TLR4: variants seen among roughly 807,000 people sequenced by gnomAD.
TLR4 encodes the protein toll like receptor 4, also known as toll-like receptor 4.
In TLR4, 17 loss-of-function variants were observed where a neutral mutation model predicts 27.4. That is an observed-to-expected ratio of 0.62 (90% CI 0.42 to 0.93). The LOEUF is 0.93. TLR4 is among the 40% of genes least tolerant of loss of function. The pLI, the probability that TLR4 is intolerant of heterozygous loss-of-function variation, is 0.00. For missense variants in TLR4, 926 were observed against 962.3 expected (o/e 0.96, Z 0.50); for synonymous variants, 363 against 365.7 (o/e 0.99, Z 0.08).
Position 117,712,926 on chromosome 9 carries a change from A to G in TLR4, c.798A>G (p.Glu266=). 2 of 1,614,128 alleles carry G rather than the reference A, an allele frequency of 1.2e-6. No individual in the cohort carries two copies. Among genetic ancestry groups the G allele is most frequent in the Non-Finnish European group, 1.7e-6 (2 of 1,179,990 alleles). ...HRLVLGEFRN[E]GNLEKFDKSA... ...TGGTTCTGGGAGAATTTAGAAATGA[A>G]GGAAACTTGGAAAAGTTTGACAAAT... Residue 266 remains glutamate, a synonymous_variant, in exon 3 of 3, where the codon GAA becomes GAG. Transcript: ENST00000355622.
intron 2 of TLR4, among the ~76,000 whole-genome samples, chr9:117,710,450 C>A (rs1829212997): frequency 6.7e-6 from 1 of 150,366 alleles, no homozygotes; most frequent in African/African-American, 2.4e-5. Context: ...ACCACCTCTC[C>A]CTTTTTTTTT....
chr9:117,708,836 TATTC>T, intron 2 of TLR4, 107 bp downstream of exon 2: 2 of 1,356,664 alleles, frequency 1.5e-6, no homozygotes, highest in Non-Finnish European at 2.1e-6. Context: ...TTCATTCACT[TATTC>T]ATTCATACAA....
chr9:117,714,716 A>C lies in TLR4; in HGVS notation c.*68A>C. ...GGGTCCAACACTTGTTCAGTTAATAAGTATTAAATGCTGCCACATGTCAGG... is the reference window on the plus strand; with the variant it reads ...GGGTCCAACACTTGTTCAGTTAATACGTATTAAATGCTGCCACATGTCAGG... On this transcript the variant is annotated 3_prime_UTR_variant, in exon 3 of 3. Transcript: ENST00000355622. The C allele has an allele frequency of 1.5e-6, 2 of 1,352,084 alleles. No homozygotes were observed. The highest frequency in any genetic ancestry group is 2.1e-6 in the Non-Finnish European group (2 of 952,662). 83.8% of individuals were successfully genotyped at this position (1,352,084 alleles called of 1,614,324 possible).
Position 117,720,279 on chromosome 9 carries a change from G to A in TLR4, c.*5631G>A, listed in dbSNP as rs974926992. 2 of 152,198 alleles carry A rather than the reference G, an allele frequency of 1.3e-5. No homozygotes were observed. The highest frequency in any genetic ancestry group is 2.9e-5 in the Non-Finnish European group (2 of 68,016). The allele number at this position is 152,198 out of a possible 1,614,324, so 9.4% of individuals were successfully genotyped here. A position where few individuals can be genotyped will look rare whatever the true frequency, so the allele number is the denominator to read the frequency against. ...ACATAATTGCTTGCTGTGATGTCCT[G>A]GGCTACTCTGCCAGGGGTGGTTAGT... is the stretch of plus-strand genomic sequence containing the variant. On this transcript the variant is annotated 3_prime_UTR_variant, in exon 3 of 3. Transcript: ENST00000355622.
At chr9:117,707,068 A>G (rs1170400718) in intron 1 of TLR4, among the ~76,000 whole-genome samples, 1 of 152,214 alleles carries the variant, frequency 6.6e-6, no homozygotes, top group Admixed American at 6.5e-5. Flanking sequence ...AACCCATCAA[A>G]CTTGCAATGG....
chr9:117,709,624 A>C (rs1047554933), intron 2 of TLR4, among the ~76,000 whole-genome samples: 6 of 152,222 alleles, frequency 3.9e-5, no homozygotes, highest in African/African-American at 1.4e-4. Context: ...TGTTCTCTGC[A>C]ATGGTTTGTA....
At chr9:117,709,900 C>G (rs1202826862) in intron 2 of TLR4, among the ~76,000 whole-genome samples, 1 of 152,010 alleles carries the variant, frequency 6.6e-6, no homozygotes, top group African/African-American at 2.4e-5. Context: ...TAACCTTAGG[C>G]ATATTACTTC....
chr9:117,713,806 A>G lies in TLR4; in HGVS notation c.1678A>G (p.Lys560Glu). ...CAGTCTCAATCACATAATGACTTCCAAAAAACAGGAACTACAGCATTTTCC... is the reference window on the plus strand; with the variant it reads ...CAGTCTCAATCACATAATGACTTCCGAAAAACAGGAACTACAGCATTTTCC... ...DYSLNHIMTS[K>E]KQELQHFPSS... is the part of the protein sequence containing the mutation. The change falls in exon 3 of 3, where the codon AAA becomes GAA. Residue 560 changes from lysine (K) to glutamate (E), a missense_variant. Coordinates refer to ENST00000355622, the MANE Select transcript of TLR4 (RefSeq NM_138554.5). The G allele has an allele frequency of 1.9e-6, 3 of 1,613,946 alleles. No homozygotes were observed. Among genetic ancestry groups the G allele is most frequent in the Non-Finnish European group, 2.5e-6 (3 of 1,179,990 alleles).
In TLR4 at chr9:117,712,856, T is replaced by C. The variant is rs1428873837; in HGVS notation, c.728T>C (p.Met243Thr). 2 of 1,614,042 alleles carry C rather than the reference T, an allele frequency of 1.2e-6. No homozygotes were observed. The highest frequency in any genetic ancestry group is 2.2e-5 in the South Asian group (2 of 91,084). The change falls in exon 3 of 3, where the codon ATG (methionine) becomes ACG (threonine). Residue 243 changes from methionine to threonine, a missense_variant. Physicochemically the swap from Met to Thr is moderately conservative, Grantham distance 81. Coordinates refer to ENST00000355622, the MANE Select transcript of TLR4 (RefSeq NM_138554.5). ...LRNNFDSLNVMKTCIQGLAGL... is the reference protein window; with the variant it reads ...LRNNFDSLNVTKTCIQGLAGL... Reference sequence around the variant, plus strand: ...AATAATTTTGATAGTTTAAATGTAATGAAAACTTGTATTCAAGGTCTGGCT... The same window carrying C: ...AATAATTTTGATAGTTTAAATGTAACGAAAACTTGTATTCAAGGTCTGGCT...
rs534801083 is a variant in TLR4, at chr9:117,717,466, A to G, written c.*2818A>G. On this transcript the variant is annotated 3_prime_UTR_variant, in exon 3 of 3. Coordinates refer to ENST00000355622, the MANE Select transcript of TLR4 (RefSeq NM_138554.5). ...TTGTAATAAAAGTTATGTGAATGTGATCTCTTTCTTTCTCTCTCTCAAAAT... is the reference window on the plus strand; with the variant it reads ...TTGTAATAAAAGTTATGTGAATGTGGTCTCTTTCTTTCTCTCTCTCAAAAT... 2.0e-5 allele frequency: 3 copies of G among 151,950 alleles called. No homozygotes were observed. Among genetic ancestry groups the G allele is most frequent in the Non-Finnish European group, 2.9e-5 (2 of 67,888 alleles). 9.4% of individuals were successfully genotyped at this position (151,950 alleles called of 1,614,324 possible).
chr9:117,704,619 T>C, intron 1 of TLR4, 54 bp downstream of exon 1: 1 of 1,455,606 alleles, frequency 6.9e-7, no homozygotes. Context: ...GCCCAGAACT[T>C]CTCACTGTGT....
In TLR4 at chr9:117,717,474, C is replaced by G. The variant is rs1465856230; in HGVS notation, c.*2826C>G. Reference sequence around the variant, plus strand: ...AAAGTTATGTGAATGTGATCTCTTTCTTTCTCTCTCTCAAAATATCTTACT... The same window carrying G: ...AAAGTTATGTGAATGTGATCTCTTTGTTTCTCTCTCTCAAAATATCTTACT... On this transcript the variant is annotated 3_prime_UTR_variant, in exon 3 of 3. Transcript: ENST00000355622. The G allele has an allele frequency of 6.6e-6, 1 of 151,432 alleles. No individual in the cohort carries two copies. Among genetic ancestry groups the G allele is most frequent in the African/African-American group, 2.4e-5 (1 of 41,300 alleles). The allele number at this position is 151,432 out of a possible 1,614,324, so 9.4% of individuals were successfully genotyped here.
In TLR4 at chr9:117,704,406, C is replaced by A. The variant is rs199637098; in HGVS notation, c.-67C>A. ...GTGCCTCAGAAACTGCTCGGTCAGA[C>A]GGTGATAGCGAGCCACGCATTCACA... On this transcript the variant is annotated 5_prime_UTR_variant, in exon 1 of 3. Transcript: ENST00000355622. The A allele has an allele frequency of 3.4e-6, 5 of 1,465,490 alleles. No homozygotes were observed. In the Admixed American group the frequency reaches 8.4e-5, roughly 25 times the overall value. 90.8% of individuals were successfully genotyped at this position (1,465,490 alleles called of 1,614,324 possible).
intron 2 of TLR4, among the ~76,000 whole-genome samples, chr9:117,709,493 A>C (rs1192751866): frequency 6.6e-6 from 1 of 152,156 alleles, no homozygotes; most frequent in East Asian, 1.9e-4. Context: ...TTTCTGATGC[A>C]GGGAAGTATA....
chr9:117,712,923 T>C lies in TLR4; in HGVS notation c.795T>C (p.Asn265=). 6.2e-7 allele frequency: 1 copy of C among 1,614,126 alleles called. No individual in the cohort carries two copies. The highest frequency in any genetic ancestry group is 8.5e-7 in the Non-Finnish European group (1 of 1,179,988). The part of the protein sequence containing the change: ...VHRLVLGEFR[N]EGNLEKFDKS... ...GTTTGGTTCTGGGAGAATTTAGAAA[T>C]GAAGGAAACTTGGAAAAGTTTGACA... Residue 265 remains asparagine, a synonymous_variant, in exon 3 of 3, where the codon AAT becomes AAC. Transcript: ENST00000355622.
At chr9:117,710,553 C>T (rs142490871) in intron 2 of TLR4, among the ~76,000 whole-genome samples, 6 of 151,838 alleles carry the variant, frequency 4.0e-5, no homozygotes, top group African/African-American at 2.4e-5. Flanking sequence ...CCCCAGAAAC[C>T]TTAAATCTGT....
chr9:117,714,630 G>C lies in TLR4; in HGVS notation c.2502G>C (p.Gln834His). 1 of 1,613,100 alleles carries C rather than the reference G, an allele frequency of 6.2e-7. No individual in the cohort carries two copies. The highest frequency in any genetic ancestry group is 8.5e-7 in the Non-Finnish European group (1 of 1,179,972). ...CAGTGGGTACAGGATGCAATTGGCA[G>C]GAAGCAACATCTATCTGAAGAGGAA... ...EGTVGTGCNWQEATSI is the reference protein window; with the variant it reads ...EGTVGTGCNWHEATSI The change falls in exon 3 of 3, where the codon CAG becomes CAC. Residue 834 changes from glutamine (Q) to histidine (H), a missense_variant. Coordinates refer to ENST00000355622, the MANE Select transcript of TLR4 (RefSeq NM_138554.5).
chr9:117,721,549 C>A lies in TLR4; in HGVS notation c.*6901C>A, dbSNP rs1467398544. 6.6e-6 allele frequency: 1 copy of A among 152,196 alleles called. No individual in the cohort carries two copies. The allele number at this position is 152,196 out of a possible 1,614,324, so 9.4% of individuals were successfully genotyped here. A position where few individuals can be genotyped will look rare whatever the true frequency, so the allele number is the denominator to read the frequency against. ...ATGACAAAGTTGAGCAGGTCCCAAA[C>A]TCTCACTTTTAAACAAATGCTTGGC... is the stretch of plus-strand genomic sequence containing the variant. On this transcript the variant is annotated 3_prime_UTR_variant, in exon 3 of 3. Transcript: ENST00000355622.
Position 117,715,157 on chromosome 9 carries a change from AG to A in TLR4, c.*510del, listed in dbSNP as rs1164163099. On this transcript the variant is annotated 3_prime_UTR_variant, in exon 3 of 3. Transcript: ENST00000355622. ...TTCCATTTTAAGTCTGTCTCCTTAC[AG>A]AGGTTAAAGTCTAGTGGCTAATTCC... is the stretch of plus-strand genomic sequence containing the variant. 1 of 173,142 alleles carries A rather than the reference AG, an allele frequency of 5.8e-6. No individual in the cohort carries two copies. Among genetic ancestry groups the A allele is most frequent in the Non-Finnish European group, 1.3e-5 (1 of 79,162 alleles). The allele number at this position is 173,142 out of a possible 1,614,324, so 10.7% of individuals were successfully genotyped here. A position where few individuals can be genotyped will look rare whatever the true frequency, so the allele number is the denominator to read the frequency against.
Sources: gnomAD v4.1 joint callset for allele counts (sites outside exome capture counted in the v4.1 genomes callset) on GRCh38, gnomAD v4.1.1 for gene constraint, MANE v1.5 for transcripts, NCBI Gene and HGNC (gene_info 2026-07-23, HGNC 2026-07-21) for gene names.